ADGRG1: variants seen among roughly 807,000 people sequenced by gnomAD.
ADGRG1 encodes adhesion G protein-coupled receptor G1.
A neutral mutation model predicts 73.5 loss-of-function variants in ADGRG1; 53 were observed. That is an observed-to-expected ratio of 0.72 (90% confidence interval 0.58 to 0.91). The LOEUF (loss-of-function observed/expected upper bound fraction) is 0.91, where lower values mean the gene tolerates loss of function less well. ADGRG1 is among the 40% of genes least tolerant of loss of function. The probability of loss-of-function intolerance (pLI) is 0.00; values close to 1 mark genes in which losing one functional copy is unlikely to be tolerated. For missense variants in ADGRG1, 795 were observed against 871.8 expected, an observed-to-expected ratio of 0.91 and a Z score of 1.11; for synonymous variants, 394 against 374.4, an observed-to-expected ratio of 1.05 and a Z score of -0.60.
At chr16:57,644,348 T>A in intron 1 of ADGRG1, 1 of 252,030 alleles carries the variant, frequency 4.0e-6, no homozygotes, top group Non-Finnish European at 6.0e-6. Flanking sequence ...CACACACTGA[T>A]CACACACTCA....
At chr16:57,632,286 C>T (rs764801355) in intron 1 of ADGRG1, 156 of 985,288 alleles carry the variant, frequency 1.6e-4, no homozygotes, top group South Asian at 1.9e-4. Context: ...TGACAGGGCC[C>T]GTAGAGACAG....
chr16:57,626,866 A>G, upstream of ADGRG1: 2 of 978,586 alleles, frequency 2.0e-6, no homozygotes, highest in Middle Eastern at 5.3e-4. Context: ...GGGACAACCC[A>G]TCCTCCCCTA....
intron 12 of ADGRG1, chr16:57,661,390 C>T (rs1567817882): frequency 6.1e-6 from 6 of 985,142 alleles, no homozygotes; most frequent in Non-Finnish European, 7.2e-6. Context: ...GGTTCCTGAG[C>T]TCCAGCCTGG....
rs140559307 is a variant in ADGRG1, at chr16:57,642,520, G to C, written c.-35-7733G>C. On this transcript the variant is annotated intron_variant, in intron 1 of 13. Coordinates refer to ENST00000562631, the MANE Select transcript of ADGRG1 (RefSeq NM_201525.4). ...GATAACAGGTGTCCGTGCAAAAAAGGCTCTACCTTCACGTTGGGTTGGGAA... is the reference window on the plus strand; with the variant it reads ...GATAACAGGTGTCCGTGCAAAAAAGCCTCTACCTTCACGTTGGGTTGGGAA... 10 of 981,390 alleles carry C rather than the reference G, an allele frequency of 1.0e-5. No homozygotes were observed. In the African/African-American group the frequency reaches 1.4e-4, roughly 14 times the overall value. 60.8% of individuals were successfully genotyped at this position (981,390 alleles called of 1,614,324 possible). A position where few individuals can be genotyped will look rare whatever the true frequency, so the allele number is the denominator to read the frequency against.
In ADGRG1 at chr16:57,659,421, C is replaced by T; in HGVS notation, c.1295C>T (p.Pro432Leu). ...IAAYLCSRRK[P>L]RDYTIKVHMN... ...GTGCCCCTGCCGTGCAGGAGGAAAC[C>T]TCGGGACTACACCATCAAGGTGCAC... The change falls in exon 11 of 14, where the codon CCT becomes CTT. Residue 432 changes from proline to leucine, a missense_variant. Transcript: ENST00000562631. The T allele has an allele frequency of 6.2e-7, 1 of 1,613,802 alleles. No homozygotes were observed. The highest frequency in any genetic ancestry group is 8.5e-7 in the Non-Finnish European group (1 of 1,179,990).
At chr16:57,634,905 C>T in intron 1 of ADGRG1, 3 of 967,410 alleles carry the variant, frequency 3.1e-6, no homozygotes, top group Non-Finnish European at 3.7e-6. Flanking sequence ...TCTAGAAACC[C>T]TCTTCATAGC....
chr16:57,641,574 T>C, intron 1 of ADGRG1: 1 of 984,348 alleles, frequency 1.0e-6, no homozygotes, highest in Non-Finnish European at 1.2e-6. Flanking sequence ...CCTTTTTTTT[T>C]TTTTTTTTTG....
intron 1 of ADGRG1, chr16:57,643,107 C>G (rs1377260020): frequency 6.6e-6 from 1 of 152,270 alleles, no homozygotes; most frequent in Non-Finnish European, 1.5e-5. Flanking sequence ...TTTAGTCCCA[C>G]TCATCATCTG....
At chr16:57,654,358 C>T (rs1470914281) in intron 5 of ADGRG1, among the ~76,000 whole-genome samples, 11 of 151,380 alleles carry the variant, frequency 7.3e-5, no homozygotes, top group Non-Finnish European at 2.9e-5. Flanking sequence ...TACCAGTCTC[C>T]TGGGGCCACC....
At position 57,663,611 on chromosome 16, in the gene ADGRG1, AGCAGAGATTCGGCCTCGTC is replaced by A; in HGVS notation, c.*33_*51del. On this transcript the variant is annotated 3_prime_UTR_variant, in exon 14 of 14. Coordinates refer to ENST00000562631, the MANE Select transcript of ADGRG1 (RefSeq NM_201525.4). Reference sequence around the variant, plus strand: ...TCCAGCCCACCTGCCCATGTGATGAAGCAGAGATTCGGCCTCGTCGCACACTGCCTGTGGCCCCCGAGCC... The same window carrying A: ...TCCAGCCCACCTGCCCATGTGATGAAGCACACTGCCTGTGGCCCCCGAGCC... The A allele has an allele frequency of 1.2e-6, 2 of 1,609,310 alleles. No homozygotes were observed. The highest frequency in any genetic ancestry group is 1.6e-4 in the Middle Eastern group (1 of 6,062).
chr16:57,655,798 A>G, intron 6 of ADGRG1, 78 bp from the exon 7 acceptor site: 1 of 1,613,478 alleles, frequency 6.2e-7, no homozygotes, highest in South Asian at 1.1e-5. Context: ...TTATCTAGAG[A>G]GGGTAAGGGG....
At chr16:57,629,824 A>G (rs1168639081) in intron 1 of ADGRG1, among the ~76,000 whole-genome samples, 1 of 152,054 alleles carries the variant, frequency 6.6e-6, no homozygotes, top group Non-Finnish European at 1.5e-5. Flanking sequence ...GTAGGAAACC[A>G]ATGATTCCTG....
At chr16:57,631,866 A>C in intron 1 of ADGRG1, 1 of 980,138 alleles carries the variant, frequency 1.0e-6, no homozygotes, top group Non-Finnish European at 1.2e-6. Context: ...AGCCCTGTAG[A>C]TTCTGGTCTT....
chr16:57,642,519 G>T (rs935741), intron 1 of ADGRG1: 3 of 981,632 alleles, frequency 3.1e-6, no homozygotes, highest in Non-Finnish European at 3.6e-6. Flanking sequence ...GTGCAAAAAA[G>T]GCTCTACCTT....
At chr16:57,662,183 T>C (rs958028515) in intron 13 of ADGRG1, among the ~76,000 whole-genome samples, 1 of 152,208 alleles carries the variant, frequency 6.6e-6, no homozygotes, top group East Asian at 1.9e-4. Flanking sequence ...GCTGAGCTGG[T>C]TGGGTGTGGG....
chr16:57,658,348 A>G (rs2046256104), intron 10 of ADGRG1, among the ~76,000 whole-genome samples: 1 of 152,238 alleles, frequency 6.6e-6, no homozygotes, highest in African/African-American at 2.4e-5. Flanking sequence ...GCTTGAGGTC[A>G]CACAGCAAGG....
chr16:57,635,794 C>A (rs760304118), intron 1 of ADGRG1: 15 of 985,294 alleles, frequency 1.5e-5, no homozygotes, highest in African/African-American at 1.7e-5. Flanking sequence ...GTGCACCATG[C>A]TCCTTTGGAT....
At chr16:57,652,448 G>C (rs1260487793) in intron 3 of ADGRG1, among the ~76,000 whole-genome samples, 2 of 152,160 alleles carry the variant, frequency 1.3e-5, no homozygotes, top group Admixed American at 6.5e-5. Context: ...GCCCAGGCCC[G>C]TCAGTGGTGG....
At chr16:57,646,990 T>C in intron 1 of ADGRG1, 12 of 971,900 alleles carry the variant, frequency 1.2e-5, no homozygotes, top group Non-Finnish European at 1.5e-5. Context: ...GCTGGGGATC[T>C]GCGGCTCCAG....
Sources: allele counts gnomAD v4.1 joint callset (sites outside exome capture counted in the v4.1 genomes callset), GRCh38; gene constraint gnomAD v4.1.1; transcripts MANE v1.5; gene names NCBI Gene and HGNC (gene_info 2026-07-23, HGNC 2026-07-21).